Variants in PDCD1 observed in about 807,000 individuals in gnomAD.
PDCD1 encodes the protein programmed cell death protein 1.
In PDCD1, 10 loss-of-function variants were observed where a neutral mutation model predicts 23.6. That is an observed-to-expected ratio of 0.42 (90% CI 0.26 to 0.72). PDCD1 has a LOEUF of 0.72. Ranked by LOEUF, PDCD1 falls within the 30% of genes least tolerant of loss-of-function variation. PDCD1 has a pLI of 0.24. For synonymous variants in PDCD1, 168 were observed against 169.3 expected, an observed-to-expected ratio of 0.99 and a Z score of 0.06; for missense variants, 313 against 397.8, an observed-to-expected ratio of 0.79 and a Z score of 1.81.
chr2:241,853,009 G>T (rs1004521787), intron 1 of PDCD1, 29 bp from the exon 2 acceptor site: 6 of 1,530,404 alleles, frequency 3.9e-6, no homozygotes, highest in Non-Finnish European at 5.3e-6. Flanking sequence ...TGAGGAAGGG[G>T]CTGGGTGGCC....
At chr2:241,857,961 C>T (rs1490852073) in intron 1 of PDCD1, among the ~76,000 whole-genome samples, 1 of 144,526 alleles carries the variant, frequency 6.9e-6, no homozygotes, top group Middle Eastern at 3.5e-3. Context: ...GCCAGCCGGG[C>T]ACAGAGGGTC....
At chr2:241,853,076 G>A in intron 1 of PDCD1, 96 bp from the exon 2 acceptor site, 5 of 1,390,428 alleles carry the variant, frequency 3.6e-6, no homozygotes, top group Non-Finnish European at 4.8e-6. Flanking sequence ...GGCTCTGGAA[G>A]GGCCACCCCA....
chr2:241,855,171 G>A (rs1299623370), intron 1 of PDCD1, among the ~76,000 whole-genome samples: 1 of 151,968 alleles, frequency 6.6e-6, no homozygotes, highest in Non-Finnish European at 1.5e-5. Flanking sequence ...GTCCAGCTGG[G>A]CCCCTCGGCC....
chr2:241,850,048 G>A lies in PDCD1; in HGVS notation c.*1010C>T. 4.4e-6 allele frequency: 1 copy of A among 228,812 alleles called. No individual in the cohort carries two copies. 14.2% of individuals were successfully genotyped at this position (228,812 alleles called of 1,614,324 possible). On this transcript the variant is annotated 3_prime_UTR_variant, in exon 5 of 5. Transcript: ENST00000334409. The stretch of plus-strand genomic sequence containing the variant: ...GGATGTGAGGAGTGGATAGGCCACG[G>A]CGGGGGTACTAGGCCCCGGGGGAAC...
chr2:241,850,714 C>G lies in PDCD1; in HGVS notation c.*344G>C. On this transcript the variant is annotated 3_prime_UTR_variant, in exon 5 of 5. Transcript: ENST00000334409. The stretch of plus-strand genomic sequence containing the variant: ...GGCAGGGCCACGGCGCCTTCAGCCC[C>G]GGGCCGCAGGCAGCAGCAGCAGCAG... 3 of 575,660 alleles carry G rather than the reference C, an allele frequency of 5.2e-6. No homozygotes were observed. The highest frequency in any genetic ancestry group is 3.2e-5 in the South Asian group (2 of 62,840). 35.7% of individuals were successfully genotyped at this position (575,660 alleles called of 1,614,324 possible). A position where few individuals can be genotyped will look rare whatever the true frequency, so the allele number is the denominator to read the frequency against.
chr2:241,856,223 C>T (rs985019826), intron 1 of PDCD1, among the ~76,000 whole-genome samples: 1 of 151,848 alleles, frequency 6.6e-6, no homozygotes, highest in Non-Finnish European at 1.5e-5. Context: ...GGAGGACAGG[C>T]TCTGTTTTTA....
At chr2:241,854,805 C>G (rs778784962) in intron 1 of PDCD1, among the ~76,000 whole-genome samples, 15 of 152,188 alleles carry the variant, frequency 9.9e-5, no homozygotes, top group Non-Finnish European at 2.1e-4. Context: ...AGGTGAGGAA[C>G]AGAAGTCATC....
chr2:241,857,755 G>A (rs1183798642), intron 1 of PDCD1, among the ~76,000 whole-genome samples: 1 of 152,186 alleles, frequency 6.6e-6, no homozygotes, highest in Non-Finnish European at 1.5e-5. Flanking sequence ...ACAGTGAAGG[G>A]GCACCAGGAC....
intron 1 of PDCD1, among the ~76,000 whole-genome samples, chr2:241,854,619 C>T (rs1700974203): frequency 1.3e-5 from 2 of 152,192 alleles, no homozygotes; most frequent in South Asian, 4.1e-4. Flanking sequence ...TGGGCTGCAG[C>T]CCTTACTGGG....
At chr2:241,856,963 T>C (rs1350975723) in intron 1 of PDCD1, among the ~76,000 whole-genome samples, 1 of 152,242 alleles carries the variant, frequency 6.6e-6, no homozygotes, top group African/African-American at 2.4e-5. Flanking sequence ...GGCCAAGTCC[T>C]GTCGAAGGCC....
intron 1 of PDCD1, among the ~76,000 whole-genome samples, chr2:241,857,971 C>A (rs1208397402): frequency 6.6e-6 from 1 of 152,120 alleles, no homozygotes; most frequent in East Asian, 1.9e-4. Flanking sequence ...CACAGAGGGT[C>A]CAGGAGCGGG....
chr2:241,851,865 C>T (rs1047698117), intron 4 of PDCD1, 84 bp downstream of exon 4: 18 of 1,279,380 alleles, frequency 1.4e-5, no homozygotes, highest in Middle Eastern at 1.8e-4. Context: ...TCCTGCAGGC[C>T]GTGTGGTCCC....
Position 241,850,905 on chromosome 2 carries a change from T to G in PDCD1, c.*153A>C. 1.1e-6 allele frequency: 1 copy of G among 893,228 alleles called. No homozygotes were observed. Among genetic ancestry groups the G allele is most frequent in the Non-Finnish European group, 1.7e-6 (1 of 594,702 alleles). The allele number at this position is 893,228 out of a possible 1,614,324, so 55.3% of individuals were successfully genotyped here. On this transcript the variant is annotated 3_prime_UTR_variant, in exon 5 of 5. Transcript: ENST00000334409. ...AGTCCTGTGGTGGGGCTGTGCCTGG[T>G]GCAGGTGCAGGCTGGAGCCCCGGTC...
At position 241,851,237 on chromosome 2, in the gene PDCD1, A is replaced by G. The variant is rs147213978; in HGVS notation, c.688T>C (p.Trp230Arg). Residue 230 changes from tryptophan to arginine, a missense_variant, in exon 5 of 5, where the codon TGG becomes CGG. Trp to Arg is a moderately radical substitution (Grantham distance 101). This residue lies in a region of PDCD1 where 158 missense variants were observed against 177.5 expected (regional missense o/e 0.89). Coordinates refer to ENST00000334409, the MANE Select transcript of PDCD1 (RefSeq NM_005018.3). ...GGGGGCTCCGGGGTCTTCTCTCGCC[A>G]CTGGAAATCCAGCTCCCCATAGTCC... ...SVDYGELDFQ[W>R]REKTPEPPVP... is the part of the protein sequence containing the mutation. The G allele has an allele frequency of 3.7e-6, 6 of 1,613,654 alleles. No individual in the cohort carries two copies. The highest frequency in any genetic ancestry group is 2.2e-5 in the East Asian group (1 of 44,896).
intron 4 of PDCD1, among the ~76,000 whole-genome samples, chr2:241,851,704 A>G (rs541488195): frequency 1.4e-5 from 2 of 145,604 alleles, no homozygotes; most frequent in African/African-American, 2.7e-5. Flanking sequence ...CGCGTGGGCC[A>G]GGCACCCCTG....
In PDCD1 at chr2:241,850,006, G is replaced by GT. The variant is rs1700869092; in HGVS notation, c.*1051dup. 4.5e-6 allele frequency: 1 copy of GT among 224,160 alleles called. No homozygotes were observed. Among genetic ancestry groups the GT allele is most frequent in the Non-Finnish European group, 8.9e-6 (1 of 112,436 alleles). The allele number at this position is 224,160 out of a possible 1,614,324, so 13.9% of individuals were successfully genotyped here. A position where few individuals can be genotyped will look rare whatever the true frequency, so the allele number is the denominator to read the frequency against. ...GGATGCTGGTGGCCCTGCCCCAGGA[G>GT]TGGGGGTGCAGTGTGTGGATGTGAG... On this transcript the variant is annotated 3_prime_UTR_variant, in exon 5 of 5. Transcript: ENST00000334409.
intron 4 of PDCD1, among the ~76,000 whole-genome samples, chr2:241,851,589 C>T (rs1700903356): frequency 6.6e-6 from 1 of 151,894 alleles, no homozygotes; most frequent in Non-Finnish European, 1.5e-5. Context: ...ACCAAGCCCA[C>T]CCCACGCCCT....
chr2:241,858,614 G>C (rs1017912467), intron 1 of PDCD1, 149 bp downstream of exon 1: 2 of 704,850 alleles, frequency 2.8e-6, no homozygotes, highest in Middle Eastern at 3.7e-4. Context: ...GGGACTGAGA[G>C]TGAAAGGTCC....
intron 1 of PDCD1, among the ~76,000 whole-genome samples, chr2:241,856,644 G>A (rs960470698): frequency 6.6e-6 from 1 of 152,142 alleles, no homozygotes; most frequent in South Asian, 2.1e-4. Flanking sequence ...GGAACATAGC[G>A]AGACCCTGTC....
Sources: gnomAD v4.1 joint callset for allele counts (sites outside exome capture counted in the v4.1 genomes callset) on GRCh38, gnomAD v4.1.1 for gene constraint, gnomAD v4.1.1 regional missense constraint, MANE v1.5 for transcripts, NCBI Gene and HGNC (gene_info 2026-07-23, HGNC 2026-07-21) for gene names.